The following MEIOB variants were observed in gnomAD, a reference collection of about 807,000 sequenced individuals.
MEIOB encodes the protein meiosis specific with OB-fold, also known as meiosis-specific with OB domain-containing protein.
MEIOB carries 50 observed loss-of-function variants against 53.1 expected under a neutral mutation model. That is an observed-to-expected ratio of 0.94 (90% CI 0.75 to 1.19). The LOEUF (loss-of-function observed/expected upper bound fraction) is 1.19, where lower values mean the gene tolerates loss of function less well. Among genes scored for constraint, MEIOB ranks in the 50% most tolerant of loss-of-function variants. MEIOB has a pLI of 0.00. For missense variants in MEIOB, 551 were observed against 550.8 expected, an observed-to-expected ratio of 1.00 and a Z score of 0.00; for synonymous variants, 192 against 182.5, an observed-to-expected ratio of 1.05 and a Z score of -0.42.
intron 12 of MEIOB, among the ~76,000 whole-genome samples, chr16:1,838,367 C>A (rs541613410): frequency 2.8e-4 from 43 of 152,064 alleles, no homozygotes; most frequent in Admixed American, 5.9e-4. Flanking sequence ...CAAAGGTAAT[C>A]AGGTATCTCA....
rs2142082474 is a variant in MEIOB, at chr16:1,844,871, A to T, written c.871T>A (p.Ser291Thr). Residue 291 changes from serine (S) to threonine (T), a missense_variant, in exon 10 of 14, where the codon TCC (serine) becomes ACC (threonine). Physicochemically the swap from Ser to Thr is moderately conservative, Grantham distance 58. Coordinates refer to ENST00000325962, the MANE Select transcript of MEIOB (RefSeq NM_001163560.3). ...TTAAACGGTCACTTACAATTTATGGATTCTTTGAAATAACTGTCAATTTCA... is the reference window on the plus strand; with the variant it reads ...TTAAACGGTCACTTACAATTTATGGTTTCTTTGAAATAACTGTCAATTTCA... ...DDEIDSYFKESINLSTIVDVY... is the reference protein window; with the variant it reads ...DDEIDSYFKETINLSTIVDVY... 6.6e-7 allele frequency: 1 copy of T among 1,523,620 alleles called. No homozygotes were observed. Among genetic ancestry groups the T allele is most frequent in the East Asian group, 2.3e-5 (1 of 43,960 alleles). 94.4% of individuals were successfully genotyped at this position (1,523,620 alleles called of 1,614,324 possible).
chr16:1,861,730 T>C (rs961713637), intron 4 of MEIOB, among the ~76,000 whole-genome samples: 5 of 151,896 alleles, frequency 3.3e-5, no homozygotes, highest in Non-Finnish European at 7.4e-5. Flanking sequence ...AAATGGGGTC[T>C]TGCCATGTTG....
intron 2 of MEIOB, among the ~76,000 whole-genome samples, chr16:1,867,762 G>A (rs1030948475): frequency 1.3e-5 from 2 of 152,078 alleles, no homozygotes; most frequent in Non-Finnish European, 2.9e-5. Context: ...ATGAGCCACT[G>A]TGCCTGGCCT....
At chr16:1,861,258 T>C (rs1213946848) in intron 4 of MEIOB, among the ~76,000 whole-genome samples, 1 of 152,196 alleles carries the variant, frequency 6.6e-6, no homozygotes, top group Admixed American at 6.6e-5. Context: ...GTAAAAGATT[T>C]GGTATTTCAA....
chr16:1,839,565 T>G (rs1354332354), intron 11 of MEIOB, 127 bp from the exon 12 acceptor site: 1 of 787,268 alleles, frequency 1.3e-6, no homozygotes, highest in East Asian at 2.7e-5. Context: ...TGTTCAGTGC[T>G]ATGCGGTCTA....
At chr16:1,865,910 T>C in intron 2 of MEIOB, 75 bp from the exon 3 acceptor site, 4 of 1,004,760 alleles carry the variant, frequency 4.0e-6, no homozygotes, top group Non-Finnish European at 5.9e-6. Flanking sequence ...CATGGGCTTG[T>C]TATACTTTAC....
chr16:1,858,017 C>T, intron 5 of MEIOB, 87 bp from the exon 6 acceptor site: 1 of 833,800 alleles, frequency 1.2e-6, no homozygotes, highest in Non-Finnish European at 1.8e-6. Flanking sequence ...CTACATTTTT[C>T]ATTGAAATTT....
chr16:1,854,249 T>G (rs570618046), intron 6 of MEIOB, 49 bp from the exon 7 acceptor site: 13 of 1,095,680 alleles, frequency 1.2e-5, no homozygotes, highest in Non-Finnish European at 1.7e-5. Context: ...GTAGAAGTTC[T>G]TAAGTATTTG....
At chr16:1,869,452 G>A (rs1899676504) in intron 1 of MEIOB, among the ~76,000 whole-genome samples, 1 of 151,242 alleles carries the variant, frequency 6.6e-6, no homozygotes, top group Non-Finnish European at 1.5e-5. Context: ...GATTCAATAG[G>A]ACATTTTTTT....
chr16:1,852,799 A>G (rs6600176), intron 9 of MEIOB, among the ~76,000 whole-genome samples: 125,765 of 151,906 alleles, frequency 0.83, 52,141 homozygotes, highest in Middle Eastern at 0.9. Context: ...CAGGTGATCC[A>G]CCTGCCTTGG....
intron 10 of MEIOB, among the ~76,000 whole-genome samples, chr16:1,844,264 A>G (rs1172680814): frequency 6.6e-6 from 1 of 151,354 alleles, no homozygotes; most frequent in Admixed American, 6.6e-5. Context: ...CTGGGATTAC[A>G]GGTGCCCCCT....
At chr16:1,846,811 G>C (rs116468904) in intron 9 of MEIOB, among the ~76,000 whole-genome samples, 2 of 152,060 alleles carry the variant, frequency 1.3e-5, no homozygotes, top group Non-Finnish European at 1.5e-5. Flanking sequence ...GGAATGGGGG[G>C]TGAGGGGAGG....
chr16:1,856,353 T>C (rs1399461387), intron 6 of MEIOB, among the ~76,000 whole-genome samples: 1 of 150,796 alleles, frequency 6.6e-6, no homozygotes, highest in African/African-American at 2.4e-5. Flanking sequence ...GGAGTCTCGC[T>C]CTGTCGCCCA....
intron 9 of MEIOB, among the ~76,000 whole-genome samples, chr16:1,845,987 T>C (rs1412707209): frequency 1.3e-5 from 2 of 152,236 alleles, no homozygotes; most frequent in Non-Finnish European, 2.9e-5. Flanking sequence ...GTCTCCTACC[T>C]GTTCTTTCTC....
intron 6 of MEIOB, among the ~76,000 whole-genome samples, chr16:1,856,598 C>T (rs1251311746): frequency 1.3e-5 from 2 of 152,058 alleles, no homozygotes; most frequent in Admixed American, 6.6e-5. Context: ...GGATTACAGG[C>T]GTGAGCCACC....
In MEIOB at chr16:1,853,033, T is replaced by A; in HGVS notation, c.778+6A>T. 1.3e-6 allele frequency: 2 copies of A among 1,589,894 alleles called. No homozygotes were observed. Among genetic ancestry groups the A allele is most frequent in the Non-Finnish European group, 1.7e-6 (2 of 1,159,300 alleles). On this transcript the variant is annotated splice_donor_region_variant and intron_variant, in intron 9 of 13. Transcript: ENST00000325962. ...AAGGGATAAAAGGTTTCACAAAGTT[T>A]TTTACCTGGATTAGTTGTAATAATG... is the stretch of plus-strand genomic sequence containing the variant.
At chr16:1,845,194 T>C (rs1193660034) in intron 9 of MEIOB, among the ~76,000 whole-genome samples, 1 of 152,214 alleles carries the variant, frequency 6.6e-6, no homozygotes, top group East Asian at 1.9e-4. Flanking sequence ...TACTAACCTA[T>C]GTGGTTCAAT....
At chr16:1,858,384 C>T (rs191504951) in intron 5 of MEIOB, among the ~76,000 whole-genome samples, 2 of 152,240 alleles carry the variant, frequency 1.3e-5, no homozygotes, top group Non-Finnish European at 2.9e-5. Flanking sequence ...ACAGTGAGCC[C>T]GAACTGAGGA....
chr16:1,842,109 A>G, intron 10 of MEIOB, 136 bp from the exon 11 acceptor site: 2 of 475,402 alleles, frequency 4.2e-6, no homozygotes, highest in Non-Finnish European at 6.8e-6. Context: ...TGGCTATATA[A>G]ACACTGATTC....
Sources: gnomAD v4.1 joint callset for allele counts (sites outside exome capture counted in the v4.1 genomes callset) on GRCh38, gnomAD v4.1.1 for gene constraint, MANE v1.5 for transcripts, NCBI Gene and HGNC (gene_info 2026-07-23, HGNC 2026-07-21) for gene names.